TTC39B: variants seen among roughly 807,000 people sequenced by gnomAD.
TTC39B encodes tetratricopeptide repeat domain 39B, also known as tetratricopeptide repeat protein 39B.
TTC39B carries 92 observed loss-of-function variants against 96.6 expected under a neutral mutation model. The observed-to-expected ratio is 0.95, with a 90% CI of 0.80 to 1.13. The LOEUF (loss-of-function observed/expected upper bound fraction) is 1.13. TTC39B is among the 50% of genes most tolerant of loss of function. The pLI is 0.00. For missense variants in TTC39B, 955 were observed against 809.3 expected, an observed-to-expected ratio of 1.18 and a Z score of -2.18; for synonymous variants, 367 against 299.4, an observed-to-expected ratio of 1.23 and a Z score of -2.33.
chr9:15,224,145 G>A (rs947372693), intron 3 of TTC39B, among the ~76,000 whole-genome samples: 1 of 152,060 alleles, frequency 6.6e-6, no homozygotes, highest in African/African-American at 2.4e-5. Context: ...AACAAATGAT[G>A]CTCACTCTCC....
intron 1 of TTC39B, among the ~76,000 whole-genome samples, chr9:15,289,657 T>A (rs1312803800): frequency 6.6e-6 from 1 of 152,220 alleles, no homozygotes; most frequent in African/African-American, 2.4e-5. Flanking sequence ...AATTCAGGTA[T>A]GCCGGGAAAG....
chr9:15,172,896 T>G (rs1817737552), intron 19 of TTC39B, among the ~76,000 whole-genome samples: 1 of 152,170 alleles, frequency 6.6e-6, no homozygotes, highest in Non-Finnish European at 1.5e-5. Flanking sequence ...ATTCATAAAC[T>G]AAAATCAATA....
rs1824757058 is a variant in TTC39B at position 15,306,465 on chromosome 9, C to T, written c.240+619G>A. On this transcript the variant is annotated intron_variant, in intron 1 of 19. Transcript: ENST00000512701. The surrounding 1 kb of genome is among the most constrained non-coding windows in gnomAD (Gnocchi z 5.1). ...CTGAGGACCTGCTAGGGGAAGTGTCCCGGCCCCGTGGAGGGAGAGGGAAGC... is the reference window on the plus strand; with the variant it reads ...CTGAGGACCTGCTAGGGGAAGTGTCTCGGCCCCGTGGAGGGAGAGGGAAGC... 6.6e-6 allele frequency among the ~76,000 whole-genome samples: 1 copy of T among 152,160 alleles called. No homozygotes were observed. The highest frequency in any genetic ancestry group is 6.5e-5 in the Admixed American group (1 of 15,284).
intron 3 of TTC39B, among the ~76,000 whole-genome samples, chr9:15,221,130 T>C (rs1820820432): frequency 6.6e-6 from 1 of 152,158 alleles, no homozygotes; most frequent in Non-Finnish European, 1.5e-5. Context: ...TTCTCAAGAC[T>C]CTGCAGATAC....
At chr9:15,267,861 A>G in intron 2 of TTC39B, 53 bp downstream of exon 2, 1 of 1,488,948 alleles carries the variant, frequency 6.7e-7, no homozygotes, top group Admixed American at 1.8e-5. Flanking sequence ...TTTTTATGTA[A>G]GACAACCATC....
intron 3 of TTC39B, among the ~76,000 whole-genome samples, chr9:15,219,295 G>C (rs559545436): frequency 3.2e-4 from 49 of 152,058 alleles, no homozygotes; most frequent in Non-Finnish European, 6.2e-4. Context: ...ATATATTGAG[G>C]CATTACTACA....
rs540557325 is a variant in TTC39B at position 15,168,419 on chromosome 9, C to CAAACA, written c.*3599_*3600insTGTTT. ...TTTCTAAATATGCAGAGTATAAATACAAAAAAAAAAAACAGAAATGGAGGG... is the reference window on the plus strand; with the variant it reads ...TTTCTAAATATGCAGAGTATAAATACAAACAAAAAAAAAAAAACAGAAATGGAGGG... On this transcript the variant is annotated 3_prime_UTR_variant, in exon 20 of 20. Transcript: ENST00000512701. 1.6e-5 allele frequency: 2 copies of CAAACA among 128,142 alleles called. 1 individual carries two copies. The highest frequency in any genetic ancestry group is 3.2e-5 in the Non-Finnish European group (2 of 62,478). The allele number at this position is 128,142 out of a possible 1,614,324, so 7.9% of individuals were successfully genotyped here.
At chr9:15,191,241 T>C (rs757633471) in exon 10 of TTC39B, 3 of 1,609,934 alleles carry the variant, frequency 1.9e-6, no homozygotes, top group East Asian at 2.2e-5. Flanking sequence ...TCCTTGCTGG[T>C]AAAAGGGACA....
chr9:15,265,147 GTTGAATTTAGGGCTT>G (rs1225956580), intron 2 of TTC39B, among the ~76,000 whole-genome samples: 1 of 152,144 alleles, frequency 6.6e-6, no homozygotes, highest in African/African-American at 2.4e-5. Flanking sequence ...CTTCAGCTGG[GTTGAATTTAGGGCTT>G]TTGTTTATTT....
At chr9:15,207,137 G>A (rs1819910111) in intron 6 of TTC39B, among the ~76,000 whole-genome samples, 1 of 152,160 alleles carries the variant, frequency 6.6e-6, no homozygotes, top group Admixed American at 6.5e-5. Context: ...GCAGAACTAT[G>A]AGTCAATTAA....
At chr9:15,189,276 AAC>A (rs760130172) in intron 13 of TTC39B, among the ~76,000 whole-genome samples, 10 of 152,158 alleles carry the variant, frequency 6.6e-5, no homozygotes, top group Non-Finnish European at 1.5e-4. Flanking sequence ...AGAAATTGGT[AAC>A]AGTCACAGTT....
At chr9:15,210,884 C>G (rs1230958755) in intron 5 of TTC39B, among the ~76,000 whole-genome samples, 1 of 152,114 alleles carries the variant, frequency 6.6e-6, no homozygotes, top group African/African-American at 2.4e-5. Context: ...CAAAAGTGTT[C>G]AAAAACAGGT....
chr9:15,247,946 T>C (rs1332591880), intron 2 of TTC39B, among the ~76,000 whole-genome samples: 2 of 152,138 alleles, frequency 1.3e-5, no homozygotes, highest in African/African-American at 4.8e-5. Context: ...ACTTTTAGCA[T>C]GATGGAGTTA....
intron 2 of TTC39B, among the ~76,000 whole-genome samples, chr9:15,245,473 G>A (rs1335169578): frequency 6.6e-6 from 1 of 152,136 alleles, no homozygotes; most frequent in Non-Finnish European, 1.5e-5. Flanking sequence ...ATATGAAATG[G>A]TTTTGCTATA....
intron 2 of TTC39B, among the ~76,000 whole-genome samples, chr9:15,262,296 G>A (rs1822974727): frequency 6.6e-6 from 1 of 151,950 alleles, no homozygotes; most frequent in Non-Finnish European, 1.5e-5. Flanking sequence ...ATGGGGTTTT[G>A]GTATGTTGGC....
At chr9:15,210,486 TA>T (rs1277179905) in intron 5 of TTC39B, among the ~76,000 whole-genome samples, 3 of 152,238 alleles carry the variant, frequency 2.0e-5, no homozygotes, top group Non-Finnish European at 2.9e-5. Flanking sequence ...CTCCACAGGT[TA>T]AAAATGAAGT....
chr9:15,195,533 G>A (rs972051508), intron 8 of TTC39B, among the ~76,000 whole-genome samples: 4 of 151,912 alleles, frequency 2.6e-5, no homozygotes, highest in Admixed American at 1.3e-4. Flanking sequence ...AGCCAGGCAC[G>A]GTGGCGCACA....
rs192257753 is a variant in TTC39B, at chr9:15,283,692, T to C, written c.241-15744A>G. Among the ~76,000 whole-genome samples, 139 of 152,300 alleles carry C rather than the reference T, an allele frequency of 9.1e-4. 1 individual carries two copies. The Middle Eastern group carries it at 0.02, about 22-fold the overall frequency. On this transcript the variant is annotated intron_variant, in intron 1 of 19. Coordinates refer to ENST00000512701, the Ensembl canonical transcript of TTC39B. ...GCACAGGAACATATATACAGATCAA[T>C]AGAACATAATAAAGAATACAGACAG... is the stretch of plus-strand genomic sequence containing the variant.
chr9:15,166,513 G>C (rs866742494), exon 20 of TTC39B: 7 of 152,164 alleles, frequency 4.6e-5, no homozygotes, highest in African/African-American at 1.4e-4. Flanking sequence ...GACTTCAACA[G>C]TCCTCTAAGA....
Sources: allele counts gnomAD v4.1 joint callset (sites outside exome capture counted in the v4.1 genomes callset), GRCh38; gene constraint gnomAD v4.1.1; non-coding constraint Gnocchi (gnomAD v3.1); transcripts MANE v1.5; gene names NCBI Gene and HGNC (gene_info 2026-07-23, HGNC 2026-07-21).